CSMD3: variants seen among roughly 807,000 people sequenced by gnomAD.
CSMD3 encodes the protein CUB and sushi domain-containing protein 3.
Under a neutral mutation model 435.2 loss-of-function variants are expected in CSMD3, and 177 were observed. The ratio of observed to expected loss-of-function variants is 0.41; its 90% CI spans 0.36 to 0.46. The LOEUF is 0.46. CSMD3 is among the 20% of genes least tolerant of loss of function. The pLI is 0.34. For synonymous variants in CSMD3, 1,656 were observed against 1,520.5 expected, an observed-to-expected ratio of 1.09 and a Z score of -2.07; for missense variants, 4,265 against 4,504.6, an observed-to-expected ratio of 0.95 and a Z score of 1.52.
chr8:113,035,551 T>C (rs2087308249), intron 5 of CSMD3, among the ~76,000 whole-genome samples: 1 of 151,994 alleles, frequency 6.6e-6, no homozygotes, highest in Non-Finnish European at 1.5e-5. Flanking sequence ...AGGTAAATAT[T>C]TAATATCTTT....
At chr8:112,965,539 T>C (rs2084386546) in intron 7 of CSMD3, among the ~76,000 whole-genome samples, 1 of 151,922 alleles carries the variant, frequency 6.6e-6, no homozygotes, top group African/African-American at 2.4e-5. Context: ...ACATCAGAAA[T>C]TCTTAAAATC....
intron 4 of CSMD3, among the ~76,000 whole-genome samples, chr8:113,161,762 C>A (rs2092044385): frequency 6.6e-6 from 1 of 152,080 alleles, no homozygotes; most frequent in Non-Finnish European, 1.5e-5. Flanking sequence ...TCTGAGTTTC[C>A]AAATTGTTCA....
chr8:112,726,641 A>C (rs557936301), intron 13 of CSMD3, among the ~76,000 whole-genome samples: 1 of 151,962 alleles, frequency 6.6e-6, no homozygotes, highest in South Asian at 2.1e-4. Context: ...TGTCTTTTGG[A>C]AGAAGAGACA....
intron 9 of CSMD3, among the ~76,000 whole-genome samples, chr8:112,935,622 T>C (rs994705206): frequency 4.0e-5 from 6 of 151,858 alleles, no homozygotes; most frequent in Non-Finnish European, 7.4e-5. Context: ...TAAATTTAGA[T>C]ATGTTTCAAA....
In CSMD3 at chr8:112,417,962, T is replaced by C. The variant is rs565438136; in HGVS notation, c.5396-8930A>G. 1.8e-4 allele frequency among the ~76,000 whole-genome samples: 28 copies of C among 152,294 alleles called. No individual in the cohort carries two copies. The South Asian group carries it at 3.1e-3, about 17-fold the overall frequency. On this transcript the variant is annotated intron_variant, in intron 32 of 70. Coordinates refer to ENST00000297405, the MANE Select transcript of CSMD3 (RefSeq NM_198123.2). ...CTTTTGCAAAATCTACACATTGTTTTGTATTTCAGGGTTTATTTTGATGCC... is the reference window on the plus strand; with the variant it reads ...CTTTTGCAAAATCTACACATTGTTTCGTATTTCAGGGTTTATTTTGATGCC...
chr8:112,632,652 A>G (rs1355521563), intron 22 of CSMD3, among the ~76,000 whole-genome samples: 1 of 152,078 alleles, frequency 6.6e-6, no homozygotes, highest in African/African-American at 2.4e-5. Context: ...CTGAGTGAAG[A>G]CATGCAAGTT....
chr8:113,052,449 C>T (rs1266109517), intron 5 of CSMD3, among the ~76,000 whole-genome samples: 2 of 152,050 alleles, frequency 1.3e-5, no homozygotes, highest in South Asian at 4.2e-4. Flanking sequence ...ATATGCTTAC[C>T]ATCTAATAAG....
At chr8:112,884,170 C>T (rs1053829778) in intron 10 of CSMD3, among the ~76,000 whole-genome samples, 3 of 151,814 alleles carry the variant, frequency 2.0e-5, no homozygotes, top group African/African-American at 4.8e-5. Flanking sequence ...ATTCAAGATG[C>T]CAAGTTATCT....
At chr8:113,007,963 A>C (rs1340554559) in intron 6 of CSMD3, among the ~76,000 whole-genome samples, 1 of 151,926 alleles carries the variant, frequency 6.6e-6, no homozygotes, top group Non-Finnish European at 1.5e-5. Flanking sequence ...ATTATATATA[A>C]AGAAATGAGA....
intron 11 of CSMD3, among the ~76,000 whole-genome samples, chr8:112,852,206 A>G (rs897647778): frequency 1.3e-5 from 2 of 152,202 alleles, no homozygotes; most frequent in African/African-American, 2.4e-5. Context: ...CAGATTTCCA[A>G]TCACTAACAC....
chr8:113,154,508 T>C (rs1427162203), intron 4 of CSMD3, among the ~76,000 whole-genome samples: 1 of 151,982 alleles, frequency 6.6e-6, no homozygotes, highest in Non-Finnish European at 1.5e-5. Flanking sequence ...GTAACTACTA[T>C]GGGATAAGTC....
chr8:112,269,622 G>C (rs1817277393), intron 59 of CSMD3, among the ~76,000 whole-genome samples: 1 of 152,126 alleles, frequency 6.6e-6, no homozygotes. Flanking sequence ...GGTACTGCCT[G>C]TTAGACATTG....
chr8:112,717,947 C>G (rs1286015895), intron 13 of CSMD3, among the ~76,000 whole-genome samples: 1 of 151,840 alleles, frequency 6.6e-6, no homozygotes, highest in African/African-American at 2.4e-5. Flanking sequence ...AGCATCAGGA[C>G]AAATACCTTA....
At chr8:112,407,157 C>T (rs1435139699) in intron 34 of CSMD3, among the ~76,000 whole-genome samples, 1 of 151,474 alleles carries the variant, frequency 6.6e-6, no homozygotes, top group Admixed American at 6.6e-5. Flanking sequence ...TAATTAAAAA[C>T]AGATTTTATA....
intron 31 of CSMD3, among the ~76,000 whole-genome samples, chr8:112,489,047 T>A (rs900588432): frequency 1.3e-5 from 2 of 152,122 alleles, no homozygotes; most frequent in African/African-American, 4.8e-5. Flanking sequence ...CTTAAAAAAA[T>A]AAAAAATAAT....
At chr8:112,236,912 C>T (rs1344151072) in intron 67 of CSMD3, among the ~76,000 whole-genome samples, 1 of 151,884 alleles carries the variant, frequency 6.6e-6, no homozygotes, top group Non-Finnish European at 1.5e-5. Flanking sequence ...GTATTCATAC[C>T]TAAATTAAAT....
intron 1 of CSMD3, among the ~76,000 whole-genome samples, chr8:113,394,954 T>C (rs1327506257): frequency 6.6e-6 from 1 of 152,040 alleles, no homozygotes; most frequent in African/African-American, 2.4e-5. Context: ...TTACAACAAA[T>C]AGAGAAAAAT....
chr8:112,674,121 C>T (rs1229216793), intron 16 of CSMD3, among the ~76,000 whole-genome samples: 1 of 152,086 alleles, frequency 6.6e-6, no homozygotes, highest in Non-Finnish European at 1.5e-5. Flanking sequence ...CCTTGAGTAG[C>T]AGCCAGAGAG....
intron 63 of CSMD3, 39 bp downstream of exon 63, chr8:112,254,214 C>T: frequency 2.2e-6 from 3 of 1,395,234 alleles, no homozygotes; most frequent in African/African-American, 1.4e-5. Flanking sequence ...CGCATTCTGA[C>T]CTAGTATGAT....
Sources: gnomAD v4.1 joint callset for allele counts (sites outside exome capture counted in the v4.1 genomes callset) on GRCh38, gnomAD v4.1.1 for gene constraint, MANE v1.5 for transcripts, NCBI Gene and HGNC (gene_info 2026-07-23, HGNC 2026-07-21) for gene names.